Variants in ATP10D observed in about 807,000 individuals in gnomAD.
The protein encoded by ATP10D is phospholipid-transporting ATPase VD.
In ATP10D, 89 loss-of-function variants were observed where a neutral mutation model predicts 144.8. The ratio of observed to expected loss-of-function variants is 0.61; its 90% CI spans 0.52 to 0.73. The LOEUF is 0.73. Ranked by LOEUF, ATP10D falls within the 30% of genes least tolerant of loss-of-function variation. The pLI, the probability that ATP10D is intolerant of heterozygous loss-of-function variation, is 0.00. For synonymous variants in ATP10D, 571 were observed against 615.1 expected, an observed-to-expected ratio of 0.93 and a Z score of 1.06; for missense variants, 1,603 against 1,714.8, an observed-to-expected ratio of 0.93 and a Z score of 1.15.
intron 1 of ATP10D, among the ~76,000 whole-genome samples, chr4:47,502,069 C>T (rs1365815003): frequency 2.0e-5 from 3 of 152,080 alleles, no homozygotes; most frequent in Non-Finnish European, 4.4e-5. Context: ...TTCCCAATAA[C>T]ATAGAGAAAC....
intron 3 of ATP10D, among the ~76,000 whole-genome samples, chr4:47,518,115 A>G (rs1001224482): frequency 6.6e-6 from 1 of 152,204 alleles, no homozygotes; most frequent in African/African-American, 2.4e-5. Flanking sequence ...TGTATATGAA[A>G]TACAAAGAAA....
intron 11 of ATP10D, 48 bp from the exon 12 acceptor site, chr4:47,557,616 G>T: frequency 1.4e-6 from 2 of 1,468,966 alleles, no homozygotes; most frequent in Non-Finnish European, 1.8e-6. Context: ...AAAGTTGTTA[G>T]AAACTGCTTT....
chr4:47,524,573 C>T (rs1437331626), intron 4 of ATP10D, among the ~76,000 whole-genome samples: 1 of 152,156 alleles, frequency 6.6e-6, no homozygotes, highest in Non-Finnish European at 1.5e-5. Context: ...ACTTTTGCAC[C>T]AGTCTAATAC....
intron 1 of ATP10D, among the ~76,000 whole-genome samples, chr4:47,502,626 A>G (rs1256289893): frequency 6.7e-6 from 1 of 148,410 alleles, no homozygotes; most frequent in Non-Finnish European, 1.5e-5. Context: ...CGATATACAT[A>G]TACGTATGTA....
Position 47,592,245 on chromosome 4 carries a change from T to A in ATP10D, c.*864T>A, listed in dbSNP as rs1311486293. On this transcript the variant is annotated 3_prime_UTR_variant, in exon 23 of 23. Transcript: ENST00000273859. ...CTGTATTTTAAAACTGACAGTAGCC[T>A]GATCAAAGTGATACAATCAATTTCA... The A allele has an allele frequency of 6.6e-6, 1 of 152,562 alleles. No homozygotes were observed. The highest frequency in any genetic ancestry group is 1.5e-5 in the Non-Finnish European group (1 of 68,020). The allele number at this position is 152,562 out of a possible 1,614,324, so 9.5% of individuals were successfully genotyped here.
intron 3 of ATP10D, among the ~76,000 whole-genome samples, chr4:47,518,466 T>C (rs1460152783): frequency 6.6e-6 from 1 of 152,170 alleles, no homozygotes; most frequent in Non-Finnish European, 1.5e-5. Context: ...AAAATAAGAC[T>C]ATTAATCATT....
At chr4:47,518,912 G>T (rs1171364287) in intron 3 of ATP10D, among the ~76,000 whole-genome samples, 1 of 152,090 alleles carries the variant, frequency 6.6e-6, no homozygotes, top group African/African-American at 2.4e-5. Context: ...GTGTAACATT[G>T]AACAAGTTAC....
intron 15 of ATP10D, among the ~76,000 whole-genome samples, chr4:47,566,960 C>T (rs1475666331): frequency 6.6e-6 from 1 of 152,050 alleles, no homozygotes; most frequent in East Asian, 1.9e-4. Context: ...CACTGCAGCC[C>T]ATGATTGGGA....
chr4:47,525,918 G>A (rs1271326335), intron 5 of ATP10D, among the ~76,000 whole-genome samples: 1 of 152,140 alleles, frequency 6.6e-6, no homozygotes, highest in African/African-American at 2.4e-5. Context: ...CTAATTTCAG[G>A]CATCAGCCCA....
At chr4:47,536,365 T>G in intron 7 of ATP10D, 72 bp from the exon 8 acceptor site, 1 of 1,555,748 alleles carries the variant, frequency 6.4e-7, no homozygotes, top group Non-Finnish European at 8.8e-7. Context: ...TTCCTTCTCC[T>G]TTAGGAATAA....
chr4:47,497,906 T>C (rs1040506123), intron 1 of ATP10D, among the ~76,000 whole-genome samples: 1 of 152,230 alleles, frequency 6.6e-6, no homozygotes, highest in Non-Finnish European at 1.5e-5. Context: ...CTGAGTTTTT[T>C]GTTTAAGCTG....
At chr4:47,584,014 G>C (rs1015721751) in intron 21 of ATP10D, among the ~76,000 whole-genome samples, 18 of 152,144 alleles carry the variant, frequency 1.2e-4, no homozygotes, top group Admixed American at 1.1e-3. Flanking sequence ...TTGGCTAGGG[G>C]AGGAATATTT....
intron 1 of ATP10D, among the ~76,000 whole-genome samples, chr4:47,489,865 A>G (rs1194241888): frequency 6.6e-6 from 1 of 152,176 alleles, no homozygotes; most frequent in Non-Finnish European, 1.5e-5. Context: ...GCCAGGGCCT[A>G]CGGCTGATAG....
intron 3 of ATP10D, among the ~76,000 whole-genome samples, chr4:47,518,352 T>G (rs1225341240): frequency 6.6e-6 from 1 of 152,154 alleles, no homozygotes; most frequent in Admixed American, 6.5e-5. Flanking sequence ...CCAATTAAGT[T>G]AGAATAAGCT....
intron 4 of ATP10D, 149 bp downstream of exon 4, chr4:47,523,365 T>C (rs1577643297): frequency 3.0e-6 from 2 of 669,592 alleles, no homozygotes; most frequent in Non-Finnish European, 5.1e-6. Flanking sequence ...CTTCCAGATA[T>C]GAGTGGAAGT....
At chr4:47,572,061 T>C (rs999063929) in intron 16 of ATP10D, 93 bp from the exon 17 acceptor site, 4 of 1,129,254 alleles carry the variant, frequency 3.5e-6, no homozygotes, top group Non-Finnish European at 5.3e-6. Flanking sequence ...GAAGGATTTA[T>C]TTGTTCACTT....
At chr4:47,490,980 CTCTGATGCCATGTGT>C (rs1715041395) in intron 1 of ATP10D, 1 of 644,800 alleles carries the variant, frequency 1.6e-6, no homozygotes, top group African/African-American at 1.9e-5. Context: ...TTGTTAACAC[CTCTGATGCCATGTGT>C]TCATAGGGAA....
At position 47,576,638 on chromosome 4, in the gene ATP10D, A is replaced by T; in HGVS notation, c.3367-135A>T. On this transcript the variant is annotated intron_variant, in intron 18 of 22. Coordinates refer to ENST00000273859, the MANE Select transcript of ATP10D (RefSeq NM_020453.4). ...TTTACCAAAAAAAGCTGCAAGGTAA[A>T]TTGTGGTCCTATCTTATATAAGAAA... The T allele has an allele frequency of 3.9e-6, 3 of 770,004 alleles. No individual in the cohort carries two copies. The East Asian group carries it at 7.3e-5, about 19-fold the overall frequency. 47.7% of individuals were successfully genotyped at this position (770,004 alleles called of 1,614,324 possible).
At chr4:47,580,874 C>G (rs1333837372) in intron 20 of ATP10D, among the ~76,000 whole-genome samples, 2 of 152,136 alleles carry the variant, frequency 1.3e-5, no homozygotes, top group Non-Finnish European at 2.9e-5. Flanking sequence ...CCAGCTTGCA[C>G]AACATAGTGA....
Sources: allele counts gnomAD v4.1 joint callset (sites outside exome capture counted in the v4.1 genomes callset), GRCh38; gene constraint gnomAD v4.1.1; transcripts MANE v1.5; gene names NCBI Gene and HGNC (gene_info 2026-07-23, HGNC 2026-07-21).